WFDC9: variants seen among roughly 807,000 people sequenced by gnomAD.
WFDC9 encodes WAP four-disulfide core domain 9.
A neutral mutation model predicts 9.5 loss-of-function variants in WFDC9; 9 were observed. That is an observed-to-expected ratio of 0.95 (90% CI 0.57 to 1.65). WFDC9 has a LOEUF of 1.65. WFDC9 is among the 40% of genes most tolerant of loss of function. WFDC9 has a pLI of 0.00. For synonymous variants in WFDC9, 33 were observed against 32.3 expected, an observed-to-expected ratio of 1.02 and a Z score of -0.07; for missense variants, 87 against 106.7, an observed-to-expected ratio of 0.82 and a Z score of 0.81.
chr20:45,613,454 G>A (rs1017603434), intron 2 of WFDC9, among the ~76,000 whole-genome samples: 1 of 152,210 alleles, frequency 6.6e-6, no homozygotes, highest in Non-Finnish European at 1.5e-5. Context: ...AATTTGGAAG[G>A]TGAAAAATAC....
chr20:45,614,722 C>G lies in WFDC9; in HGVS notation c.-152-1G>C, dbSNP rs546758557. ...GAAGTTGTTTGAAGTGGGGCTCGAA[C>G]TGGGGGCAGAAGAGCAGAAAAACAA... On this transcript the variant is annotated splice_acceptor_variant, in intron 1 of 4. Transcript: ENST00000326000. LOFTEE classifies it low-confidence loss of function (5UTR_SPLICE). 1 of 152,278 alleles carries G rather than the reference C, an allele frequency of 6.6e-6. No individual in the cohort carries two copies. The highest frequency in any genetic ancestry group is 2.4e-5 in the African/African-American group (1 of 41,542). 9.4% of individuals were successfully genotyped at this position (152,278 alleles called of 1,614,324 possible).
intron 1 of WFDC9, among the ~76,000 whole-genome samples, chr20:45,623,720 A>C (rs1372171835): frequency 6.6e-6 from 1 of 152,230 alleles, no homozygotes; most frequent in Non-Finnish European, 1.5e-5. Flanking sequence ...TATAGTGATC[A>C]GATCAGGGTA....
chr20:45,631,029 G>T, intron 1 of WFDC9, 174 bp downstream of exon 1: 1 of 1,584,068 alleles, frequency 6.3e-7, no homozygotes. Context: ...GTGGGAGAGT[G>T]GGCTGGGATG....
At chr20:45,619,351 C>A (rs553788751) in intron 1 of WFDC9, among the ~76,000 whole-genome samples, 2 of 152,254 alleles carry the variant, frequency 1.3e-5, no homozygotes, top group African/African-American at 4.8e-5. Flanking sequence ...TCTGTATACT[C>A]TTCTATTTTA....
intron 1 of WFDC9, among the ~76,000 whole-genome samples, chr20:45,621,434 C>A (rs1209104662): frequency 6.6e-6 from 1 of 152,212 alleles, no homozygotes; most frequent in Non-Finnish European, 1.5e-5. Flanking sequence ...CATGGCAGGC[C>A]TGCAGTTGCT....
intron 1 of WFDC9, among the ~76,000 whole-genome samples, chr20:45,623,308 C>A (rs1473252753): frequency 6.6e-6 from 1 of 152,122 alleles, no homozygotes; most frequent in Non-Finnish European, 1.5e-5. Flanking sequence ...TTATTCTTTT[C>A]TGTTTGTGCA....
chr20:45,626,422 T>G (rs1178675470), intron 1 of WFDC9, among the ~76,000 whole-genome samples: 3 of 152,202 alleles, frequency 2.0e-5, no homozygotes, highest in Admixed American at 6.5e-5. Flanking sequence ...CTTCCATCCA[T>G]GAGCATGGGA....
intron 3 of WFDC9, 60 bp downstream of exon 3, chr20:45,610,031 C>T (rs1488261783): frequency 2.2e-6 from 3 of 1,366,948 alleles, no homozygotes; most frequent in South Asian, 1.2e-5. Flanking sequence ...GGCCCTGGAT[C>T]AGCTACAATA....
At chr20:45,625,749 A>G (rs1009549838) in intron 1 of WFDC9, among the ~76,000 whole-genome samples, 4 of 146,142 alleles carry the variant, frequency 2.7e-5, no homozygotes, top group Admixed American at 2.1e-4. Flanking sequence ...TGTTCTTGGC[A>G]TCTTTGTCAA....
At chr20:45,615,865 T>A (rs1401803364) in intron 1 of WFDC9, among the ~76,000 whole-genome samples, 1 of 152,186 alleles carries the variant, frequency 6.6e-6, no homozygotes, top group Non-Finnish European at 1.5e-5. Context: ...GCATTATGTA[T>A]AAAAAATAAT....
At chr20:45,612,546 G>A (rs1048451790) in intron 2 of WFDC9, among the ~76,000 whole-genome samples, 1 of 152,124 alleles carries the variant, frequency 6.6e-6, no homozygotes, top group Non-Finnish European at 1.5e-5. Flanking sequence ...GACAGCTGAG[G>A]GGTAAGGGAA....
chr20:45,610,713 TAC>T lies in WFDC9; in HGVS notation c.-58-476_-58-475del, dbSNP rs537572625. On this transcript the variant is annotated intron_variant, in intron 2 of 4. Transcript: ENST00000326000. ...GCACTAAAGCAATTTAAGAGGGAAT[TAC>T]AGATAGATAACAGGACTTGAGAAAA... Among the ~76,000 whole-genome samples, 70 of 152,230 alleles carry T rather than the reference TAC, an allele frequency of 4.6e-4. No individual in the cohort carries two copies. The South Asian group carries it at 0.014, about 30-fold the overall frequency.
At chr20:45,610,638 A>G (rs1005004560) in intron 2 of WFDC9, among the ~76,000 whole-genome samples, 1 of 152,232 alleles carries the variant, frequency 6.6e-6, no homozygotes, top group Non-Finnish European at 1.5e-5. Context: ...TTTGAAGCAT[A>G]TGAAACATGA....
intron 1 of WFDC9, among the ~76,000 whole-genome samples, chr20:45,617,766 G>C (rs562205334): frequency 6.6e-6 from 1 of 152,268 alleles, no homozygotes; most frequent in South Asian, 2.1e-4. Flanking sequence ...TGAAAGTATA[G>C]GTGTGCACCA....
chr20:45,619,426 A>C (rs145607280), intron 1 of WFDC9, among the ~76,000 whole-genome samples: 1 of 152,218 alleles, frequency 6.6e-6, no homozygotes, highest in Non-Finnish European at 1.5e-5. Context: ...TAGCAAAGCT[A>C]TCCTTTCCTG....
At chr20:45,618,963 T>C (rs1356586932) in intron 1 of WFDC9, among the ~76,000 whole-genome samples, 1 of 152,010 alleles carries the variant, frequency 6.6e-6, no homozygotes, top group African/African-American at 2.4e-5. Context: ...TGTAATAAAA[T>C]GAGATATGCC....
At chr20:45,630,038 C>G in intron 1 of WFDC9, 1 of 1,278,282 alleles carries the variant, frequency 7.8e-7, no homozygotes, top group Non-Finnish European at 1.1e-6. Context: ...TGTGTAGACT[C>G]TGGACTGTCC....
intron 1 of WFDC9, among the ~76,000 whole-genome samples, chr20:45,616,722 C>A (rs908388093): frequency 6.6e-6 from 1 of 152,184 alleles, no homozygotes; most frequent in East Asian, 1.9e-4. Flanking sequence ...AAACATTGAT[C>A]TCTTCATATA....
intron 1 of WFDC9, among the ~76,000 whole-genome samples, chr20:45,621,258 G>A (rs1982091792): frequency 6.6e-6 from 1 of 152,106 alleles, no homozygotes; most frequent in Non-Finnish European, 1.5e-5. Context: ...GTTCCCTTTA[G>A]TTTACCTTCT....
Sources: gnomAD v4.1 joint callset for allele counts (sites outside exome capture counted in the v4.1 genomes callset) on GRCh38, gnomAD v4.1.1 for gene constraint, MANE v1.5 for transcripts, NCBI Gene and HGNC (gene_info 2026-07-23, HGNC 2026-07-21) for gene names.